The following MYO6 variants were observed in gnomAD, a reference collection of about 807,000 sequenced individuals.
MYO6 encodes the protein unconventional myosin-VI.
In MYO6, 74 loss-of-function variants were observed where a neutral mutation model predicts 178.7. The ratio of observed to expected loss-of-function variants is 0.41; its 90% CI spans 0.34 to 0.50. The LOEUF is 0.50. Among genes scored for constraint, MYO6 ranks in the 20% least tolerant of loss-of-function variants. The pLI is 0.09. For missense variants in MYO6, 1,330 were observed against 1,547.4 expected (o/e 0.86, Z 2.36); for synonymous variants, 477 against 504.6 (o/e 0.95, Z 0.73).
At chr6:75,858,187 ATGAAT>A (rs1363281720) in intron 13 of MYO6, among the ~76,000 whole-genome samples, 2 of 152,194 alleles carry the variant, frequency 1.3e-5, no homozygotes, top group Non-Finnish European at 2.9e-5. Context: ...GATTTTAGAA[ATGAAT>A]TGGTATCCAC....
At chr6:75,834,864 T>G (rs1304576113) in intron 6 of MYO6, among the ~76,000 whole-genome samples, 1 of 152,226 alleles carries the variant, frequency 6.6e-6, no homozygotes, top group East Asian at 1.9e-4. Flanking sequence ...TGCTTCCCAG[T>G]ATTCTTGGAT....
At chr6:75,802,407 T>C (rs905038510) in intron 1 of MYO6, among the ~76,000 whole-genome samples, 1 of 151,488 alleles carries the variant, frequency 6.6e-6, no homozygotes, top group Non-Finnish European at 1.5e-5. Context: ...AGGTGAAGGT[T>C]GCAGTGACCC....
chr6:75,843,950 A>G (rs1583252803), intron 9 of MYO6, among the ~76,000 whole-genome samples: 1 of 152,136 alleles, frequency 6.6e-6, no homozygotes, highest in African/African-American at 2.4e-5. Flanking sequence ...AATTCATGCC[A>G]TGGTACAATA....
intron 30 of MYO6, among the ~76,000 whole-genome samples, chr6:75,902,155 A>G (rs948737755): frequency 6.6e-6 from 1 of 152,164 alleles, no homozygotes; most frequent in African/African-American, 2.4e-5. Context: ...TTTTGCATCA[A>G]TGTTCTTCAA....
Position 75,817,566 on chromosome 6 carries a change from GT to G in MYO6, c.22del (p.Trp8GlyfsTer22). 1 of 1,614,168 alleles carries G rather than the reference GT, an allele frequency of 6.2e-7. No individual in the cohort carries two copies. The highest frequency in any genetic ancestry group is 8.5e-7 in the Non-Finnish European group (1 of 1,180,014). MEDGKP[V>X]WAPHPTDGFQ... ...TTCAAAAATGGAGGATGGAAAGCCC[GT>G]TTGGGCGCCACACCCTACAGATGGA... On this transcript the variant is annotated frameshift_variant, in exon 2 of 35. Coordinates refer to ENST00000369977, the MANE Select transcript of MYO6 (RefSeq NM_004999.4). LOFTEE classifies it high-confidence loss of function.
At chr6:75,859,808 C>T (rs964813590) in intron 14 of MYO6, among the ~76,000 whole-genome samples, 10 of 152,038 alleles carry the variant, frequency 6.6e-5, no homozygotes, top group South Asian at 4.2e-4. Context: ...TACAGGCACG[C>T]GCCACCATGG....
rs2149374183 is a variant in MYO6 at position 75,892,639 on chromosome 6, G to A, written c.3056G>A (p.Ser1019Asn). ...DRELALRIAQ[S>N]EAELISDEAQ... ...GAGCTGGCCCTGAGGATTGCCCAGA[G>A]TGAAGCCGAGCTCATCAGTGATGAG... The change falls in exon 28 of 35, where the codon AGT (serine) becomes AAT (asparagine). Residue 1019 changes from serine (S) to asparagine (N), a missense_variant. Physicochemically the swap from Ser to Asn is conservative, Grantham distance 46. This residue lies in a region of MYO6 where 601 missense variants were observed against 626.1 expected (regional missense o/e 0.96). Transcript: ENST00000369977. The A allele has an allele frequency of 6.2e-7, 1 of 1,613,044 alleles. No individual in the cohort carries two copies. Among genetic ancestry groups the A allele is most frequent in the Non-Finnish European group, 8.5e-7 (1 of 1,180,024 alleles).
intron 16 of MYO6, among the ~76,000 whole-genome samples, chr6:75,864,505 A>G (rs1261402773): frequency 1.3e-5 from 2 of 152,226 alleles, no homozygotes; most frequent in South Asian, 2.1e-4. Context: ...AATTGAAGAT[A>G]TATATCCAAT....
intron 1 of MYO6, among the ~76,000 whole-genome samples, chr6:75,800,566 A>G (rs1769349667): frequency 6.6e-6 from 1 of 152,204 alleles, no homozygotes; most frequent in Non-Finnish European, 1.5e-5. Context: ...GAGGATCACT[A>G]TGAACGAAAC....
intron 2 of MYO6, among the ~76,000 whole-genome samples, chr6:75,818,802 C>CA (rs1193738154): frequency 6.6e-6 from 1 of 152,110 alleles, no homozygotes; most frequent in African/African-American, 2.4e-5. Flanking sequence ...ACAGGAAAGA[C>CA]AAAGTGTTTC....
chr6:75,770,292 G>A (rs891683014), intron 1 of MYO6, among the ~76,000 whole-genome samples: 3 of 152,160 alleles, frequency 2.0e-5, no homozygotes, highest in African/African-American at 7.2e-5. Flanking sequence ...TCCTGTGTCA[G>A]GTATTCCTTC....
chr6:75,886,464 A>T (rs1313999773), intron 24 of MYO6, among the ~76,000 whole-genome samples: 1 of 152,174 alleles, frequency 6.6e-6, no homozygotes, highest in Non-Finnish European at 1.5e-5. Context: ...AATTTTCAAG[A>T]TTATCTGTAG....
chr6:75,779,998 CTCTG>C (rs1766795125), intron 1 of MYO6, among the ~76,000 whole-genome samples: 1 of 152,182 alleles, frequency 6.6e-6, no homozygotes, highest in Admixed American at 6.5e-5. Context: ...AACAAATTCT[CTCTG>C]TCTGGCCAAG....
intron 1 of MYO6, among the ~76,000 whole-genome samples, chr6:75,809,113 T>C (rs1255303582): frequency 2.6e-5 from 4 of 152,358 alleles, no homozygotes; most frequent in South Asian, 4.1e-4. Context: ...ACAAGGAATT[T>C]CCATGTGGGC....
chr6:75,803,422 G>A (rs1769686291), intron 1 of MYO6, among the ~76,000 whole-genome samples: 1 of 151,970 alleles, frequency 6.6e-6, no homozygotes, highest in Non-Finnish European at 1.5e-5. Flanking sequence ...GGTTATACTT[G>A]GAAGTCACTT....
chr6:75,815,144 C>T (rs913675906), intron 1 of MYO6, among the ~76,000 whole-genome samples: 1 of 152,124 alleles, frequency 6.6e-6, no homozygotes, highest in African/African-American at 2.4e-5. Context: ...AGATGATGTT[C>T]ATTTGAACTA....
rs150621064 is a variant in MYO6 at position 75,889,521 on chromosome 6, C to A, written c.2659-536C>A. Among the ~76,000 whole-genome samples, 283 of 152,272 alleles carry A rather than the reference C, an allele frequency of 1.9e-3. 3 individuals carry two copies. The East Asian group carries it at 0.029, about 15-fold the overall frequency. ...CTCCCGGGTTCAAGCAATTCTCCTGCCTCAGCCTCCCGAGTAGCTGGGACT... is the reference window on the plus strand; with the variant it reads ...CTCCCGGGTTCAAGCAATTCTCCTGACTCAGCCTCCCGAGTAGCTGGGACT... On this transcript the variant is annotated intron_variant, in intron 25 of 34. Coordinates refer to ENST00000369977, the MANE Select transcript of MYO6 (RefSeq NM_004999.4).
chr6:75,800,812 C>G (rs954144143), intron 1 of MYO6, among the ~76,000 whole-genome samples: 5 of 152,118 alleles, frequency 3.3e-5, no homozygotes, highest in Non-Finnish European at 7.4e-5. Context: ...TCTCCATCCC[C>G]CAGGTTCAAG....
intron 1 of MYO6, among the ~76,000 whole-genome samples, chr6:75,790,630 C>T (rs1047836867): frequency 4.6e-5 from 7 of 152,260 alleles, no homozygotes; most frequent in African/African-American, 1.7e-4. Context: ...CCGCCTGCCT[C>T]GGCCTCCCAA....
Sources: gnomAD v4.1 joint callset for allele counts (sites outside exome capture counted in the v4.1 genomes callset) on GRCh38, gnomAD v4.1.1 for gene constraint, gnomAD v4.1.1 regional missense constraint, MANE v1.5 for transcripts, NCBI Gene and HGNC (gene_info 2026-07-23, HGNC 2026-07-21) for gene names.